The following RABGAP1 variants were observed in gnomAD, a reference collection of about 807,000 sequenced individuals.
RABGAP1 encodes RAB GTPase activating protein 1.
A neutral mutation model predicts 137.6 loss-of-function variants in RABGAP1; 23 were observed. The observed-to-expected ratio is 0.17, with a 90% confidence interval of 0.12 to 0.24. The LOEUF is 0.24. Among genes scored for constraint, RABGAP1 ranks in the 10% least tolerant of loss-of-function variants. The pLI, the probability that RABGAP1 is intolerant of heterozygous loss-of-function variation, is 1.00. For synonymous variants in RABGAP1, 451 were observed against 450.7 expected (o/e 1.00, Z -0.01); for missense variants, 906 against 1,275.8 (o/e 0.71, Z 4.42).
At chr9:123,073,724 A>G (rs1260921448) in intron 16 of RABGAP1, 47 bp downstream of exon 16, 2 of 1,606,034 alleles carry the variant, frequency 1.2e-6, no homozygotes, top group Non-Finnish European at 1.7e-6. Context: ...GTACAGGACT[A>G]AGGAGCACCA....
chr9:123,032,973 T>G (rs984471357), intron 13 of RABGAP1, among the ~76,000 whole-genome samples: 2 of 152,232 alleles, frequency 1.3e-5, no homozygotes, highest in Non-Finnish European at 2.9e-5. Flanking sequence ...CTCAGCAAAT[T>G]AGAAGCAAGA....
chr9:123,102,502 G>A lies in RABGAP1; in HGVS notation c.3088-589G>A, dbSNP rs931503214. Among the ~76,000 whole-genome samples the A allele has an allele frequency of 9.2e-5, 14 of 152,106 alleles. 1 individual carries two copies. The highest frequency in any genetic ancestry group is 5.9e-5 in the Non-Finnish European group (4 of 68,036). ...CTAAGGCCTGGTAGTGTGACTACCCGGAATAATCAGGAAAGGCATCACCAA... is the reference window on the plus strand; with the variant it reads ...CTAAGGCCTGGTAGTGTGACTACCCAGAATAATCAGGAAAGGCATCACCAA... On this transcript the variant is annotated intron_variant, in intron 25 of 25. Coordinates refer to ENST00000373647, the MANE Select transcript of RABGAP1 (RefSeq NM_012197.4).
intron 1 of RABGAP1, among the ~76,000 whole-genome samples, chr9:122,953,997 T>C (rs762742807): frequency 1.3e-5 from 2 of 152,288 alleles, no homozygotes; most frequent in African/African-American, 4.8e-5. Flanking sequence ...ATTACCAAAA[T>C]ATATGTCAAG....
intron 1 of RABGAP1, among the ~76,000 whole-genome samples, chr9:122,955,993 A>G (rs1309521776): frequency 1.3e-5 from 2 of 152,228 alleles, no homozygotes; most frequent in Non-Finnish European, 2.9e-5. Context: ...AGTTTGCAGA[A>G]CTAGGTTTTA....
In RABGAP1 at chr9:123,074,291, A is replaced by G. The variant is rs1327378323; in HGVS notation, c.2116A>G (p.Ile706Val). 1.2e-6 allele frequency: 2 copies of G among 1,613,682 alleles called. No individual in the cohort carries two copies. The highest frequency in any genetic ancestry group is 2.2e-5 in the South Asian group (2 of 91,018). ...YQLERLMQEY[I>V]PDLYNHFLDI... The stretch of plus-strand genomic sequence containing the variant: ...AATTGGTTTGCTATTTCAGGAATAC[A>G]TTCCTGACCTGTACAACCACTTCCT... Residue 706 changes from isoleucine to valine, a missense_variant, in exon 17 of 26, where the codon ATT (isoleucine) becomes GTT (valine). Around this residue, in one of 9 missense-constraint regions of RABGAP1, gnomAD observed 25 missense variants for 31.7 expected, o/e 0.79. Coordinates refer to ENST00000373647, the MANE Select transcript of RABGAP1 (RefSeq NM_012197.4).
At chr9:123,051,217 T>TG in intron 13 of RABGAP1, among the ~76,000 whole-genome samples, 1 of 13,208 alleles carries the variant, frequency 7.6e-5, no homozygotes, top group East Asian at 0.011. Flanking sequence ...TTCACCTTGG[T>TG]TTTTTTTTTT....
At chr9:122,949,067 A>G (rs1241325923) in intron 1 of RABGAP1, among the ~76,000 whole-genome samples, 1 of 152,174 alleles carries the variant, frequency 6.6e-6, no homozygotes, top group Non-Finnish European at 1.5e-5. Flanking sequence ...GGATTGATCA[A>G]TATAGCGGAG....
intron 16 of RABGAP1, 35 bp downstream of exon 16, chr9:123,073,712 G>T: frequency 6.2e-7 from 1 of 1,612,846 alleles, no homozygotes; most frequent in Non-Finnish European, 8.5e-7. Flanking sequence ...TTGACAAAAA[G>T]AGTACAGGAC....
intron 13 of RABGAP1, among the ~76,000 whole-genome samples, chr9:123,040,412 A>G (rs1199719072): frequency 6.6e-6 from 1 of 152,192 alleles, no homozygotes; most frequent in Non-Finnish European, 1.5e-5. Context: ...ATCTCAGAAC[A>G]TGGTTCTGTA....
intron 13 of RABGAP1, chr9:123,029,277 G>T (rs908418896): frequency 7.6e-6 from 4 of 526,242 alleles, no homozygotes; most frequent in Non-Finnish European, 1.0e-5. Context: ...CACATCAGCT[G>T]CACTAAAATA....
chr9:123,058,926 C>T (rs1215741520), intron 13 of RABGAP1, among the ~76,000 whole-genome samples: 1 of 152,182 alleles, frequency 6.6e-6, no homozygotes, highest in African/African-American at 2.4e-5. Context: ...CCCAGATACT[C>T]AGGATATTGC....
intron 13 of RABGAP1, chr9:123,035,375 T>G: frequency 6.2e-7 from 1 of 1,614,158 alleles, no homozygotes; most frequent in Non-Finnish European, 8.5e-7. Context: ...CCATATATCA[T>G]CTACTTCTTG....
chr9:122,947,793 A>G (rs1465279109), intron 1 of RABGAP1, among the ~76,000 whole-genome samples: 2 of 152,222 alleles, frequency 1.3e-5, no homozygotes, highest in African/African-American at 4.8e-5. Flanking sequence ...TTAATCAGAA[A>G]GCTTAAATTA....
In RABGAP1 at chr9:123,103,122, A is replaced by G. The variant is rs371711354; in HGVS notation, c.3119A>G (p.Asn1040Ser). ...GAACACCATTTAGGGCTTGCCCTCA[A>G]TGAGGTGCAGGCAGCCAAGAAGACG... ...DLEHHLGLAL[N>S]EVQAAKKTWF... The change falls in exon 26 of 26, where the codon AAT becomes AGT. Residue 1040 changes from asparagine (N) to serine (S), a missense_variant. By Grantham distance (46) the Asn-to-Ser change is conservative. Transcript: ENST00000373647. The G allele has an allele frequency of 2.6e-5, 42 of 1,613,970 alleles. No homozygotes were observed. Among genetic ancestry groups the G allele is most frequent in the African/African-American group, 8.0e-5 (6 of 74,928 alleles).
At chr9:122,980,077 G>A (rs557001548) in intron 2 of RABGAP1, among the ~76,000 whole-genome samples, 10 of 152,192 alleles carry the variant, frequency 6.6e-5, no homozygotes, top group Non-Finnish European at 1.3e-4. Flanking sequence ...TAAATAAAGT[G>A]TAATTGGAAC....
intron 2 of RABGAP1, among the ~76,000 whole-genome samples, chr9:122,982,447 C>T (rs900836548): frequency 6.6e-6 from 1 of 152,280 alleles, no homozygotes; most frequent in Non-Finnish European, 1.5e-5. Context: ...TACTTATGTG[C>T]CAAAGATCAA....
At chr9:122,981,716 T>G (rs1311461683) in intron 2 of RABGAP1, among the ~76,000 whole-genome samples, 1 of 152,144 alleles carries the variant, frequency 6.6e-6, no homozygotes, top group Non-Finnish European at 1.5e-5. Flanking sequence ...TTAGACAAAA[T>G]TAGTTGACTG....
chr9:122,978,871 G>A (rs916958289), intron 2 of RABGAP1, among the ~76,000 whole-genome samples: 2 of 145,874 alleles, frequency 1.4e-5, no homozygotes, highest in African/African-American at 5.0e-5. Context: ...TTGAATTTTA[G>A]TCATTCATTT....
At chr9:122,934,762 G>T in the RABGAP1 span, among the ~76,000 whole-genome samples, 2 of 152,070 alleles carry the variant, frequency 1.3e-5, no homozygotes, top group African/African-American at 2.4e-5. Context: ...GCTCACCGCA[G>T]TCTCTGTCTC....
Sources: allele counts gnomAD v4.1 joint callset (sites outside exome capture counted in the v4.1 genomes callset), GRCh38; gene constraint gnomAD v4.1.1; regional missense constraint gnomAD v4.1.1; transcripts MANE v1.5; gene names NCBI Gene and HGNC (gene_info 2026-07-23, HGNC 2026-07-21).